The following ZNF385B variants were observed in gnomAD, a reference collection of about 807,000 sequenced individuals.
The protein encoded by ZNF385B is zinc finger protein 533.
ZNF385B carries 23 observed loss-of-function variants against 39.2 expected under a neutral mutation model. That is an observed-to-expected ratio of 0.59 (90% CI 0.42 to 0.83). The LOEUF (loss-of-function observed/expected upper bound fraction) is 0.83, where lower values mean the gene tolerates loss of function less well. Ranked by LOEUF, ZNF385B falls within the 40% of genes least tolerant of loss-of-function variation. The probability of loss-of-function intolerance (pLI) is 0.00; values close to 1 mark genes in which losing one functional copy is unlikely to be tolerated. For missense variants in ZNF385B, 552 were observed against 598.9 expected, an observed-to-expected ratio of 0.92 and a Z score of 0.82; for synonymous variants, 205 against 222.6, an observed-to-expected ratio of 0.92 and a Z score of 0.70.
At chr2:179,497,940 C>T (rs1434714279) in intron 5 of ZNF385B, among the ~76,000 whole-genome samples, 2 of 151,998 alleles carry the variant, frequency 1.3e-5, no homozygotes, top group Non-Finnish European at 2.9e-5. Context: ...AAAAGTAGAT[C>T]TCAAGCCAAA....
chr2:179,739,909 G>C (rs1255745634), intron 3 of ZNF385B, among the ~76,000 whole-genome samples: 1 of 151,958 alleles, frequency 6.6e-6, no homozygotes, highest in African/African-American at 2.4e-5. Flanking sequence ...CACAAAAGTA[G>C]CTACGTACTT....
intron 1 of ZNF385B, among the ~76,000 whole-genome samples, chr2:179,820,556 T>G (rs956946784): frequency 5.3e-5 from 8 of 151,268 alleles, no homozygotes; most frequent in African/African-American, 9.8e-5. Flanking sequence ...GTTTCAGGAT[T>G]TTTTTTCCTC....
intron 3 of ZNF385B, among the ~76,000 whole-genome samples, chr2:179,728,417 T>C (rs760989583): frequency 2.6e-5 from 4 of 152,102 alleles, no homozygotes; most frequent in African/African-American, 7.2e-5. Flanking sequence ...CTACGTGACT[T>C]ACTGAAGGTA....
At chr2:179,622,560 G>A (rs1028304233) in intron 3 of ZNF385B, among the ~76,000 whole-genome samples, 1 of 152,174 alleles carries the variant, frequency 6.6e-6, no homozygotes, top group Non-Finnish European at 1.5e-5. Context: ...AAGGGTTATA[G>A]AAGTTACTTA....
chr2:179,832,553 A>G (rs764452660), intron 1 of ZNF385B, among the ~76,000 whole-genome samples: 4 of 152,238 alleles, frequency 2.6e-5, no homozygotes, highest in Non-Finnish European at 5.9e-5. Context: ...ATCTTGCCTT[A>G]GTCTACCAAG....
intron 5 of ZNF385B, among the ~76,000 whole-genome samples, chr2:179,504,389 T>G (rs957714479): frequency 6.6e-6 from 1 of 151,928 alleles, no homozygotes; most frequent in East Asian, 1.9e-4. Flanking sequence ...TGGGTATATA[T>G]CCAGTAATGG....
intron 3 of ZNF385B, among the ~76,000 whole-genome samples, chr2:179,629,648 C>T (rs1216183937): frequency 6.6e-6 from 1 of 152,176 alleles, no homozygotes; most frequent in Non-Finnish European, 1.5e-5. Flanking sequence ...GTACCTGGTT[C>T]ATCTCATTGG....
At chr2:179,787,833 C>T (rs974732457) in intron 1 of ZNF385B, among the ~76,000 whole-genome samples, 2 of 152,148 alleles carry the variant, frequency 1.3e-5, no homozygotes, top group Non-Finnish European at 2.9e-5. Context: ...CCTTACTTCA[C>T]CTGCAAGCTG....
chr2:179,562,396 T>A (rs1178844873), intron 3 of ZNF385B: 1 of 985,286 alleles, frequency 1.0e-6, no homozygotes, highest in Non-Finnish European at 1.2e-6. Flanking sequence ...TAGCAGTGCT[T>A]ACCTTTGTTT....
At chr2:179,570,600 A>G (rs1324805315) in intron 3 of ZNF385B, among the ~76,000 whole-genome samples, 1 of 152,196 alleles carries the variant, frequency 6.6e-6, no homozygotes, top group Non-Finnish European at 1.5e-5. Context: ...GCATTCAATA[A>G]ATGTTAGTTC....
chr2:179,833,177 A>C (rs165385), intron 1 of ZNF385B, among the ~76,000 whole-genome samples: 3 of 152,144 alleles, frequency 2.0e-5, no homozygotes, highest in African/African-American at 7.2e-5. Flanking sequence ...TTATTTAGGC[A>C]CAATTGAATA....
intron 3 of ZNF385B, among the ~76,000 whole-genome samples, chr2:179,575,266 T>C (rs1199970816): frequency 6.6e-6 from 1 of 151,866 alleles, no homozygotes; most frequent in Non-Finnish European, 1.5e-5. Flanking sequence ...ATAAAACATA[T>C]ATGTAGAAGA....
At chr2:179,620,185 G>C (rs1191819717) in intron 3 of ZNF385B, among the ~76,000 whole-genome samples, 2 of 152,142 alleles carry the variant, frequency 1.3e-5, no homozygotes, top group Non-Finnish European at 2.9e-5. Flanking sequence ...AAACTAGCTA[G>C]ACACAGAGAT....
intron 6 of ZNF385B, among the ~76,000 whole-genome samples, chr2:179,458,897 C>T (rs2050996205): frequency 1.3e-5 from 2 of 152,254 alleles, no homozygotes; most frequent in South Asian, 4.1e-4. Context: ...TCTCTGGGTA[C>T]CTCCCATCAA....
chr2:179,833,400 C>T (rs550520203), intron 1 of ZNF385B, among the ~76,000 whole-genome samples: 167 of 152,170 alleles, frequency 1.1e-3, no homozygotes, highest in African/African-American at 3.8e-3. Flanking sequence ...AACGTATACA[C>T]AGTATTCTGC....
intron 3 of ZNF385B, among the ~76,000 whole-genome samples, chr2:179,625,934 G>A (rs1207726444): frequency 6.6e-6 from 1 of 151,822 alleles, no homozygotes; most frequent in Non-Finnish European, 1.5e-5. Context: ...TAATGCCTAG[G>A]CAGTACCCTG....
At chr2:179,529,282 T>C (rs372984629) in intron 4 of ZNF385B, among the ~76,000 whole-genome samples, 25 of 152,326 alleles carry the variant, frequency 1.6e-4, no homozygotes, top group African/African-American at 5.5e-4. Flanking sequence ...AGCCGAATTA[T>C]GTCTTCTAAG....
At chr2:179,604,758 A>ATCCTTG (rs1292681063) in intron 3 of ZNF385B, among the ~76,000 whole-genome samples, 1 of 152,122 alleles carries the variant, frequency 6.6e-6, no homozygotes, top group Admixed American at 6.5e-5. Context: ...TATAAATACT[A>ATCCTTG]TCCTTGTCAA....
At chr2:179,745,628 C>A (rs914339166) in intron 3 of ZNF385B, 11 of 1,259,720 alleles carry the variant, frequency 8.7e-6, no homozygotes, top group Non-Finnish European at 1.2e-5. Flanking sequence ...ATTGAGGACT[C>A]CACAGGATTC....
Sources: allele counts gnomAD v4.1 joint callset (sites outside exome capture counted in the v4.1 genomes callset), GRCh38; gene constraint gnomAD v4.1.1; transcripts MANE v1.5; gene names NCBI Gene and HGNC (gene_info 2026-07-23, HGNC 2026-07-21).